Variants in PTPN11 observed in about 807,000 individuals in gnomAD.
The protein encoded by PTPN11 is tyrosine-protein phosphatase non-receptor type 11.
PTPN11 carries 6 observed loss-of-function variants against 78.8 expected under a neutral mutation model. The ratio of observed to expected loss-of-function variants is 0.08; its 90% CI spans 0.04 to 0.15. The LOEUF is 0.15. Among genes scored for constraint, PTPN11 ranks in the 10% least tolerant of loss-of-function variants. The pLI is 1.00. For missense variants in PTPN11, 386 were observed against 744.8 expected, an observed-to-expected ratio of 0.52 and a Z score of 5.61; for synonymous variants, 221 against 263.5, an observed-to-expected ratio of 0.84 and a Z score of 1.56.
At chr12:112,474,749 G>GGGACT (rs1295049529) in intron 7 of PTPN11, among the ~76,000 whole-genome samples, 2 of 152,126 alleles carry the variant, frequency 1.3e-5, no homozygotes, top group African/African-American at 4.8e-5. Context: ...CAATGTAGCT[G>GGGACT]GGACTACAGG....
chr12:112,426,418 G>A (rs1354716522), intron 1 of PTPN11, among the ~76,000 whole-genome samples: 1 of 152,064 alleles, frequency 6.6e-6, no homozygotes, highest in Non-Finnish European at 1.5e-5. Context: ...CACCACACCT[G>A]GGTAATTTTT....
chr12:112,426,297 C>T (rs527484908), intron 1 of PTPN11, among the ~76,000 whole-genome samples: 12 of 152,184 alleles, frequency 7.9e-5, no homozygotes, highest in Middle Eastern at 3.4e-3. Context: ...ACTCTTGTAG[C>T]GCAGGCTGGA....
rs1592844106 is a variant in PTPN11 at position 112,473,141 on chromosome 12, C to T, written c.853+101C>T. On this transcript the variant is annotated intron_variant, in intron 7 of 15. Transcript: ENST00000351677. The stretch of plus-strand genomic sequence containing the variant: ...GGGTCGTGTGCTCTTGTTAGCACAT[C>T]GGAGGCCTTAGCTTCTTTAATTGCA... 2.4e-5 allele frequency: 23 copies of T among 962,668 alleles called. No individual in the cohort carries two copies. In the East Asian group the frequency reaches 2.5e-4, roughly 11 times the overall value. 59.6% of individuals were successfully genotyped at this position (962,668 alleles called of 1,614,324 possible).
At chr12:112,496,276 A>C (rs1258778866) in intron 13 of PTPN11, among the ~76,000 whole-genome samples, 1 of 152,084 alleles carries the variant, frequency 6.6e-6, no homozygotes, top group Non-Finnish European at 1.5e-5. Context: ...GTTTCTGAGT[A>C]CTTCTCTACT....
rs1252271126 is a variant in PTPN11, at chr12:112,419,082, T to G, written c.-30T>G. ...CAGCGGAGCCTGAGCAAGGAGCGGG[T>G]CCGTCGCGGAGCCGGAGGGCGGGAG... On this transcript the variant is annotated 5_prime_UTR_variant, in exon 1 of 16. Transcript: ENST00000351677. The G allele has an allele frequency of 6.5e-7, 1 of 1,532,976 alleles. No homozygotes were observed. Among genetic ancestry groups the G allele is most frequent in the Non-Finnish European group, 8.8e-7 (1 of 1,142,386 alleles). 95.0% of individuals were successfully genotyped at this position (1,532,976 alleles called of 1,614,324 possible). A position where few individuals can be genotyped will look rare whatever the true frequency, so the allele number is the denominator to read the frequency against.
At chr12:112,437,693 C>G (rs565167150) in intron 1 of PTPN11, among the ~76,000 whole-genome samples, 1 of 152,044 alleles carries the variant, frequency 6.6e-6, no homozygotes, top group Non-Finnish European at 1.5e-5. Flanking sequence ...CTTTTTAGTA[C>G]TCAGGAATGA....
At position 112,506,291 on chromosome 12, in the gene PTPN11, G is replaced by C. The variant is rs3240; in HGVS notation, c.*499G>C. On this transcript the variant is annotated 3_prime_UTR_variant, in exon 16 of 16. Coordinates refer to ENST00000351677, the MANE Select transcript of PTPN11 (RefSeq NM_002834.5). ...ATTTACCATCATGTATCCAGTAGTG[G>C]ATAATTCATTTTGATGGCTTCTATT... 6.6e-6 allele frequency: 1 copy of C among 152,098 alleles called. No individual in the cohort carries two copies. Among genetic ancestry groups the C allele is most frequent in the African/African-American group, 2.4e-5 (1 of 41,410 alleles). The allele number at this position is 152,098 out of a possible 1,614,324, so 9.4% of individuals were successfully genotyped here. A position where few individuals can be genotyped will look rare whatever the true frequency, so the allele number is the denominator to read the frequency against.
At position 112,453,420 on chromosome 12, in the gene PTPN11, G is replaced by A. The variant is rs764898965; in HGVS notation, c.525+33G>A. 3.8e-6 allele frequency: 6 copies of A among 1,595,300 alleles called. No homozygotes were observed. In the African/African-American group the frequency reaches 8.1e-5, roughly 21 times the overall value. Reference sequence around the variant, plus strand: ...TCCAGTTGAAAAATGGGTCTGGCAAGATGTTACCTTTGGGTGATTTTTCTG... The same window carrying A: ...TCCAGTTGAAAAATGGGTCTGGCAAAATGTTACCTTTGGGTGATTTTTCTG... On this transcript the variant is annotated intron_variant, in intron 4 of 15. Transcript: ENST00000351677.
At chr12:112,490,481 A>G (rs569868843) in intron 13 of PTPN11, among the ~76,000 whole-genome samples, 1 of 151,952 alleles carries the variant, frequency 6.6e-6, no homozygotes, top group Non-Finnish European at 1.5e-5. Context: ...TAATTTTCGC[A>G]TTTTTTGTAG....
In PTPN11 at chr12:112,480,422, A is replaced by G. The variant is rs2038578587; in HGVS notation, c.1093-1652A>G. Among the ~76,000 whole-genome samples the G allele has an allele frequency of 6.8e-5, 10 of 146,522 alleles. No homozygotes were observed. The South Asian group carries it at 2.1e-3, about 31-fold the overall frequency. ...TGCTCTGTCACTCAGGCTGCAGTGC[A>G]GTGGCACTATCTTGGATCACTGCAG... On this transcript the variant is annotated intron_variant, in intron 9 of 15. Transcript: ENST00000351677.
chr12:112,434,216 G>C (rs2037754952), intron 1 of PTPN11, among the ~76,000 whole-genome samples: 1 of 152,050 alleles, frequency 6.6e-6, no homozygotes, highest in Admixed American at 6.6e-5. Flanking sequence ...GGAGGTTGAG[G>C]CTGCAGTGAG....
intron 14 of PTPN11, among the ~76,000 whole-genome samples, chr12:112,502,994 C>T (rs542175096): frequency 6.6e-6 from 1 of 152,192 alleles, no homozygotes; most frequent in Non-Finnish European, 1.5e-5. Context: ...TCATTTGCCA[C>T]CAGTCAACAG....
intron 1 of PTPN11, among the ~76,000 whole-genome samples, chr12:112,442,056 C>T (rs545790773): frequency 3.7e-4 from 56 of 152,180 alleles, no homozygotes; most frequent in Admixed American, 7.9e-4. Context: ...GGATTACAGG[C>T]GTGAGCCACC....
At chr12:112,497,318 TTTA>T (rs1482289809) in intron 13 of PTPN11, among the ~76,000 whole-genome samples, 2 of 152,336 alleles carry the variant, frequency 1.3e-5, no homozygotes, top group Non-Finnish European at 2.9e-5. Flanking sequence ...CTCCTCATAT[TTTA>T]TTAGACGCTT....
chr12:112,497,171 CA>C (rs59581934), intron 13 of PTPN11, among the ~76,000 whole-genome samples: 17,798 of 73,636 alleles, frequency 0.24, 1,333 homozygotes, highest in East Asian at 0.59. Flanking sequence ...GACTCTGTCT[CA>C]AAAAAAAAAA....
intron 6 of PTPN11, among the ~76,000 whole-genome samples, chr12:112,472,463 G>A (rs9668774): frequency 0.039 from 5,971 of 151,878 alleles, 266 homozygotes; most frequent in African/African-American, 0.11. Context: ...TTATTTAGGC[G>A]GTCCTTTCCT....
chr12:112,465,911 T>TATCCC (rs1430015489), intron 6 of PTPN11, among the ~76,000 whole-genome samples: 2 of 152,226 alleles, frequency 1.3e-5, no homozygotes, highest in African/African-American at 4.8e-5. Flanking sequence ...GTTGGGCAGA[T>TATCCC]ATCCCAAAAA....
In PTPN11 at chr12:112,491,489, ATAATC is replaced by A. The variant is rs549600670; in HGVS notation, c.1599+2318_1599+2322del. Among the ~76,000 whole-genome samples, 23 of 152,324 alleles carry A rather than the reference ATAATC, an allele frequency of 1.5e-4. No individual in the cohort carries two copies. The South Asian group carries it at 3.1e-3, about 21-fold the overall frequency. ...AATATCATTTCATTTTAAAAAATGA[ATAATC>A]TAAGCCTACACATTCTAAAATGTGT... On this transcript the variant is annotated intron_variant, in intron 13 of 15. Coordinates refer to ENST00000351677, the MANE Select transcript of PTPN11 (RefSeq NM_002834.5).
chr12:112,496,723 A>G (rs1336563867), intron 13 of PTPN11, among the ~76,000 whole-genome samples: 1 of 152,202 alleles, frequency 6.6e-6, no homozygotes, highest in Admixed American at 6.5e-5. Context: ...GTATAGGTGT[A>G]AAGTAGTTTC....
Sources: gnomAD v4.1 joint callset for allele counts (sites outside exome capture counted in the v4.1 genomes callset) on GRCh38, gnomAD v4.1.1 for gene constraint, MANE v1.5 for transcripts, NCBI Gene and HGNC (gene_info 2026-07-23, HGNC 2026-07-21) for gene names.